The following MFF variants were observed in gnomAD, a reference collection of about 807,000 sequenced individuals.
MFF encodes chromosome 2 open reading frame 33.
Under a neutral mutation model 36.9 loss-of-function variants are expected in MFF, and 12 were observed. The observed-to-expected ratio is 0.33, with a 90% confidence interval of 0.21 to 0.53. The LOEUF is 0.53. MFF is among the 20% of genes least tolerant of loss of function. MFF has a pLI of 0.95. For missense variants in MFF, 348 were observed against 366.6 expected, an observed-to-expected ratio of 0.95 and a Z score of 0.42; for synonymous variants, 99 against 126.2, an observed-to-expected ratio of 0.78 and a Z score of 1.44.
At chr2:227,327,925 G>A (rs1291949405) in intron 1 of MFF, among the ~76,000 whole-genome samples, 1 of 152,156 alleles carries the variant, frequency 6.6e-6, no homozygotes, top group African/African-American at 2.4e-5. Context: ...CTGGAATGAT[G>A]CACAAAAATT....
At chr2:227,325,904 GA>G (rs1226406721) in intron 1 of MFF, among the ~76,000 whole-genome samples, 1 of 152,086 alleles carries the variant, frequency 6.6e-6, no homozygotes, top group Non-Finnish European at 1.5e-5. Context: ...GTACATTTTG[GA>G]AAAGAAGGGC....
chr2:227,352,295 T>C lies in MFF; in HGVS notation c.600-219T>C, dbSNP rs2076037604. The C allele has an allele frequency of 8.8e-6, 4 of 454,562 alleles. No homozygotes were observed. In the Admixed American group the frequency reaches 1.5e-4, roughly 17 times the overall value. 28.2% of individuals were successfully genotyped at this position (454,562 alleles called of 1,614,324 possible). The stretch of plus-strand genomic sequence containing the variant: ...TTTGTCGTGTAAATATAGATTCCCT[T>C]TGTTTCTTTGATCAATAGTAATGTT... On this transcript the variant is annotated intron_variant, in intron 6 of 8. Transcript: ENST00000304593.
chr2:227,334,383 A>G (rs1164535878), intron 4 of MFF, among the ~76,000 whole-genome samples: 1 of 152,198 alleles, frequency 6.6e-6, no homozygotes, highest in East Asian at 1.9e-4. Context: ...AAGCTTATAG[A>G]AGGGTCCAGT....
intron 1 of MFF, among the ~76,000 whole-genome samples, chr2:227,326,486 A>G (rs6722598): frequency 0.86 from 130,649 of 152,130 alleles, 57,252 homozygotes; most frequent in Non-Finnish European, 0.95. Flanking sequence ...TTTGGTTTCA[A>G]AGGCTTGTAT....
chr2:227,348,605 T>C (rs558754757), intron 6 of MFF, among the ~76,000 whole-genome samples: 5 of 152,278 alleles, frequency 3.3e-5, no homozygotes, highest in East Asian at 3.9e-4. Context: ...TCTTGGACTA[T>C]TGGGAAGCTG....
intron 1 of MFF, among the ~76,000 whole-genome samples, chr2:227,326,738 A>G (rs1226476209): frequency 1.3e-5 from 2 of 152,236 alleles, no homozygotes; most frequent in Non-Finnish European, 2.9e-5. Context: ...AGAGTGGCCC[A>G]TCTGTGTGAA....
At chr2:227,351,329 T>G (rs1008342606) in intron 6 of MFF, among the ~76,000 whole-genome samples, 4 of 152,218 alleles carry the variant, frequency 2.6e-5, no homozygotes, top group Non-Finnish European at 5.9e-5. Context: ...CTTTAAGCAC[T>G]GGTAGTACCT....
Position 227,332,588 on chromosome 2 carries a change from A to T in MFF, c.351A>T (p.Glu117Asp). The T allele has an allele frequency of 6.2e-7, 1 of 1,602,878 alleles. No individual in the cohort carries two copies. The highest frequency in any genetic ancestry group is 8.5e-7 in the Non-Finnish European group (1 of 1,174,564). ...ERPPTTPQNE[E>D]IRAVGRLKRE... Reference sequence around the variant, plus strand: ...CTCCTACAACCCCTCAAAATGAAGAAGTAAGTAGAACTTTAGTATCACCGG... The same window carrying T: ...CTCCTACAACCCCTCAAAATGAAGATGTAAGTAGAACTTTAGTATCACCGG... The change falls in exon 4 of 9, where the codon GAA becomes GAT. Residue 117 changes from glutamate (E) to aspartate (D), a missense_variant and splice_region_variant. Glu to Asp is a conservative substitution (Grantham distance 45). Transcript: ENST00000304593.
At chr2:227,329,842 A>G in intron 2 of MFF, 1 of 1,252,756 alleles carries the variant, frequency 8.0e-7, no homozygotes, top group Non-Finnish European at 1.2e-6. Context: ...AATGGCTTTA[A>G]AGCTTACTGC....
intron 6 of MFF, among the ~76,000 whole-genome samples, chr2:227,350,178 AC>A (rs1288425859): frequency 6.6e-6 from 1 of 152,140 alleles, no homozygotes. Context: ...GGTGAGTGTT[AC>A]GCATTTGGAG....
intron 1 of MFF, among the ~76,000 whole-genome samples, chr2:227,326,793 G>A (rs940083607): frequency 6.6e-6 from 1 of 151,816 alleles, no homozygotes; most frequent in African/African-American, 2.4e-5. Context: ...GGTTTTTTTT[G>A]GTTTGTTTTT....
At chr2:227,339,505 T>C (rs1395711670) in intron 4 of MFF, among the ~76,000 whole-genome samples, 1 of 152,238 alleles carries the variant, frequency 6.6e-6, no homozygotes, top group Non-Finnish European at 1.5e-5. Flanking sequence ...CTAGCTGTTG[T>C]CTGGGACCTC....
At chr2:227,351,852 G>A (rs967594137) in intron 6 of MFF, 14 of 152,212 alleles carry the variant, frequency 9.2e-5, no homozygotes, top group African/African-American at 3.4e-4. Flanking sequence ...GCTGTCTCAA[G>A]ATCAGACTCA....
intron 3 of MFF, among the ~76,000 whole-genome samples, chr2:227,332,218 C>T (rs1014715295): frequency 2.5e-4 from 38 of 151,588 alleles, no homozygotes; most frequent in East Asian, 3.9e-4. Context: ...GTGATCCGCC[C>T]GCCTCGGCCT....
chr2:227,340,254 A>G (rs756308517), intron 4 of MFF, 38 bp from the exon 5 acceptor site: 1 of 1,540,032 alleles, frequency 6.5e-7, no homozygotes, highest in African/African-American at 1.4e-5. Flanking sequence ...CCTACTAAGA[A>G]TATTTCTATT....
intron 7 of MFF, among the ~76,000 whole-genome samples, chr2:227,354,401 G>T (rs1337721761): frequency 6.6e-6 from 1 of 152,032 alleles, no homozygotes. Context: ...CCAATTCTCT[G>T]GACTACACAG....
intron 4 of MFF, among the ~76,000 whole-genome samples, chr2:227,336,336 T>G (rs1237889072): frequency 6.6e-6 from 1 of 152,092 alleles, no homozygotes; most frequent in East Asian, 1.9e-4. Context: ...AGATAGAGAG[T>G]AAAAGCTTTT....
chr2:227,349,265 T>G (rs541079291), intron 6 of MFF, among the ~76,000 whole-genome samples: 39 of 152,220 alleles, frequency 2.6e-4, no homozygotes, highest in Admixed American at 1.4e-3. Flanking sequence ...TATAAAAATA[T>G]GGATTTTTTC....
At chr2:227,334,625 C>G (rs560188363) in intron 4 of MFF, among the ~76,000 whole-genome samples, 1 of 152,280 alleles carries the variant, frequency 6.6e-6, no homozygotes, top group African/African-American at 2.4e-5. Context: ...CAATAGTGCT[C>G]TACCTCAGCA....
Sources: gnomAD v4.1 joint callset for allele counts (sites outside exome capture counted in the v4.1 genomes callset) on GRCh38, gnomAD v4.1.1 for gene constraint, MANE v1.5 for transcripts, NCBI Gene and HGNC (gene_info 2026-07-23, HGNC 2026-07-21) for gene names.